TRPV4: variants seen among roughly 807,000 people sequenced by gnomAD.
TRPV4 encodes the protein transient receptor potential cation channel subfamily V member 4, also known as OSM9-like transient receptor potential channel 4.
TRPV4 carries 58 observed loss-of-function variants against 84.1 expected under a neutral mutation model. The observed-to-expected ratio is 0.69, with a 90% CI of 0.56 to 0.86. TRPV4 has a LOEUF of 0.86. Among genes scored for constraint, TRPV4 ranks in the 40% least tolerant of loss-of-function variants. TRPV4 has a pLI of 0.00. For missense variants in TRPV4, 879 were observed against 1,181.1 expected (o/e 0.74, Z 3.75); for synonymous variants, 489 against 500.9 (o/e 0.98, Z 0.32).
rs145701598 is a variant in TRPV4 at position 109,793,718 on chromosome 12, C to T, written c.1585-118G>A. 156 of 941,620 alleles carry T rather than the reference C, an allele frequency of 1.7e-4. No individual in the cohort carries two copies. In the East Asian group the frequency reaches 3.6e-3, roughly 22 times the overall value. The allele number at this position is 941,620 out of a possible 1,614,324, so 58.3% of individuals were successfully genotyped here. A position where few individuals can be genotyped will look rare whatever the true frequency, so the allele number is the denominator to read the frequency against. On this transcript the variant is annotated intron_variant, in intron 9 of 15. Transcript: ENST00000261740. The surrounding 1 kb of genome is among the most constrained non-coding windows in gnomAD (Gnocchi z 4.0). ...GGCAGAGGCTGGTACAGAGAAAAGACAAAGGACTCTTTCCTGTTAGAAAAG... is the reference window on the plus strand; with the variant it reads ...GGCAGAGGCTGGTACAGAGAAAAGATAAAGGACTCTTTCCTGTTAGAAAAG...
In TRPV4 at chr12:109,783,612, C is replaced by T. The variant is rs1889472575; in HGVS notation, c.*9G>A. 1.2e-6 allele frequency: 2 copies of T among 1,611,200 alleles called. No individual in the cohort carries two copies. The highest frequency in any genetic ancestry group is 1.3e-5 in the African/African-American group (1 of 74,906). The stretch of plus-strand genomic sequence containing the variant: ...AGTGGGCAGAGAAGCTGGGGCTGGG[C>T]TGCAGTCCCTAGAGCGGGGCGTCAT... On this transcript the variant is annotated 3_prime_UTR_variant, in exon 16 of 16. Transcript: ENST00000261740. This position sits in a 1 kb window ranked among gnomAD's most constrained non-coding sequence, Gnocchi z 4.6.
chr12:109,796,435 C>G lies in TRPV4; in HGVS notation c.1332+90G>C. On this transcript the variant is annotated intron_variant, in intron 7 of 15. Transcript: ENST00000261740. The surrounding 1 kb of genome is among the most constrained non-coding windows in gnomAD (Gnocchi z 4.2). ...CCACGTTGGGTCCTAGAGGCTGGGG[C>G]TGTCTCCCCCAGCCCAGCCCCAGGG... 1.3e-5 allele frequency: 20 copies of G among 1,484,116 alleles called. No homozygotes were observed. The highest frequency in any genetic ancestry group is 1.2e-5 in the South Asian group (1 of 85,624). The allele number at this position is 1,484,116 out of a possible 1,614,324, so 91.9% of individuals were successfully genotyped here. A position where few individuals can be genotyped will look rare whatever the true frequency, so the allele number is the denominator to read the frequency against.
chr12:109,793,456 A>G lies in TRPV4; in HGVS notation c.1658+71T>C. Reference sequence around the variant, plus strand: ...TCTAACAGAATCACCTCTCTCCTGAATCTGGACGACCTAGCAGCCCAAACC... The same window carrying G: ...TCTAACAGAATCACCTCTCTCCTGAGTCTGGACGACCTAGCAGCCCAAACC... On this transcript the variant is annotated intron_variant, in intron 10 of 15. Coordinates refer to ENST00000261740, the MANE Select transcript of TRPV4 (RefSeq NM_021625.5). This position sits in a 1 kb window ranked among gnomAD's most constrained non-coding sequence, Gnocchi z 4.0. 7.5e-7 allele frequency: 1 copy of G among 1,327,676 alleles called. No homozygotes were observed. Among genetic ancestry groups the G allele is most frequent in the Non-Finnish European group, 1.1e-6 (1 of 920,170 alleles). 82.2% of individuals were successfully genotyped at this position (1,327,676 alleles called of 1,614,324 possible).
intron 1 of TRPV4, among the ~76,000 whole-genome samples, chr12:109,827,572 C>G (rs113761764): frequency 1.3e-5 from 2 of 149,726 alleles, no homozygotes; most frequent in Admixed American, 6.7e-5. Context: ...CACACACACA[C>G]TACACACAAA....
In TRPV4 at chr12:109,814,231, C is replaced by T. The variant is rs146729167; in HGVS notation, c.386+180G>A. Among the ~76,000 whole-genome samples the T allele has an allele frequency of 3.6e-3, 536 of 147,008 alleles. 3 individuals are homozygous for T. Among genetic ancestry groups the T allele is most frequent in the African/African-American group, 0.012 (481 of 39,644 alleles). ...ATGGGTGGTTGGATGGATGGATGGA[C>T]GGATGATATATGGATAGGGAGATGA... On this transcript the variant is annotated intron_variant, in intron 2 of 15. Transcript: ENST00000261740. This position sits in a 1 kb window ranked among gnomAD's most constrained non-coding sequence, Gnocchi z 5.4.
intron 12 of TRPV4, among the ~76,000 whole-genome samples, chr12:109,789,459 G>C (rs1829837972): frequency 1.3e-5 from 2 of 152,184 alleles, no homozygotes; most frequent in Admixed American, 1.3e-4. Context: ...CCCCAACCCA[G>C]AGAGGAAAAG....
At position 109,783,369 on chromosome 12, in the gene TRPV4, G is replaced by A. The variant is rs576205557; in HGVS notation, c.*252C>T. ...AAATAATGGAGAGGCAGGGGCTGGG[G>A]CCTGAGGTGGAGGGGCTCTGGCGTT... On this transcript the variant is annotated 3_prime_UTR_variant, in exon 16 of 16. Coordinates refer to ENST00000261740, the MANE Select transcript of TRPV4 (RefSeq NM_021625.5). This position sits in a 1 kb window ranked among gnomAD's most constrained non-coding sequence, Gnocchi z 4.6. 2.3e-4 allele frequency: 118 copies of A among 504,850 alleles called. No homozygotes were observed. In the East Asian group the frequency reaches 3.1e-3, roughly 13 times the overall value. The allele number at this position is 504,850 out of a possible 1,614,324, so 31.3% of individuals were successfully genotyped here. A position where few individuals can be genotyped will look rare whatever the true frequency, so the allele number is the denominator to read the frequency against.
At chr12:109,809,318 C>T (rs1891364664) in intron 2 of TRPV4, among the ~76,000 whole-genome samples, 1 of 144,430 alleles carries the variant, frequency 6.9e-6, no homozygotes, top group Admixed American at 6.9e-5. Flanking sequence ...TCCATCCATC[C>T]CTCATCCATA....
chr12:109,824,576 T>C (rs1041747638), intron 1 of TRPV4, among the ~76,000 whole-genome samples: 1 of 151,822 alleles, frequency 6.6e-6, no homozygotes, highest in Non-Finnish European at 1.5e-5. Context: ...GCCAACATGG[T>C]GAAACCCCAT....
chr12:109,808,087 G>T (rs1421111489), intron 3 of TRPV4, among the ~76,000 whole-genome samples: 1 of 152,184 alleles, frequency 6.6e-6, no homozygotes, highest in Non-Finnish European at 1.5e-5. Flanking sequence ...ATGAATGAAA[G>T]AATGAATAAA....
Position 109,794,394 on chromosome 12 carries a change from C to A in TRPV4, c.1426G>T (p.Val476Phe), listed in dbSNP as rs1890253920. Residue 476 changes from valine (V) to phenylalanine (F), a missense_variant, in exon 8 of 16, where the codon GTC becomes TTC. Val to Phe is a conservative substitution (Grantham distance 50, BLOSUM62 -1). This residue lies in a region of TRPV4 where 521 missense variants were observed against 686.6 expected (regional missense o/e 0.76). Coordinates refer to ENST00000261740, the MANE Select transcript of TRPV4 (RefSeq NM_021625.5). ...FGAVSFYINVVSYLCAMVIFT... is the reference protein window; with the variant it reads ...FGAVSFYINVFSYLCAMVIFT... Reference sequence around the variant, plus strand: ...ATGACCATGGCACACAGGTAGGAGACCACGTTGATGTAGAAGGAGACGGCC... The same window carrying A: ...ATGACCATGGCACACAGGTAGGAGAACACGTTGATGTAGAAGGAGACGGCC... The A allele has an allele frequency of 6.2e-7, 1 of 1,613,844 alleles. No homozygotes were observed. Among genetic ancestry groups the A allele is most frequent in the African/African-American group, 1.3e-5 (1 of 74,928 alleles).
chr12:109,806,699 GAA>G (rs67356085), intron 3 of TRPV4, among the ~76,000 whole-genome samples: 87 of 147,538 alleles, frequency 5.9e-4, no homozygotes, highest in African/African-American at 1.9e-3. Flanking sequence ...TAAAAAAAAA[GAA>G]AAAAAAAAAT....
At chr12:109,794,570 C>T in intron 7 of TRPV4, 83 bp from the exon 8 acceptor site, 2 of 1,415,148 alleles carry the variant, frequency 1.4e-6, no homozygotes, top group Middle Eastern at 3.8e-4. Flanking sequence ...TGCCTTCCCC[C>T]ACCCTCCACC....
chr12:109,822,014 T>G (rs1293653575), intron 1 of TRPV4, among the ~76,000 whole-genome samples: 1 of 151,336 alleles, frequency 6.6e-6, no homozygotes, highest in Non-Finnish European at 1.5e-5. Flanking sequence ...CCAGGCAGGG[T>G]TGCAGAGCAA....
In TRPV4 at chr12:109,783,512, T is replaced by C. The variant is rs1237002572; in HGVS notation, c.*109A>G. ...CCTCCCTGGCACCTCCACTGGTCCC[T>C]CGCCTCTGGGGCCAAAGCAGGGTGT... On this transcript the variant is annotated 3_prime_UTR_variant, in exon 16 of 16. Transcript: ENST00000261740. This position sits in a 1 kb window ranked among gnomAD's most constrained non-coding sequence, Gnocchi z 4.6. The C allele has an allele frequency of 3.4e-6, 5 of 1,453,660 alleles. No individual in the cohort carries two copies. The highest frequency in any genetic ancestry group is 4.6e-6 in the Non-Finnish European group (5 of 1,082,380). The allele number at this position is 1,453,660 out of a possible 1,614,324, so 90.0% of individuals were successfully genotyped here.
At chr12:109,817,322 C>T (rs76067239) in intron 1 of TRPV4, among the ~76,000 whole-genome samples, 1 of 152,096 alleles carries the variant, frequency 6.6e-6, no homozygotes, top group Non-Finnish European at 1.5e-5. Flanking sequence ...TCAGGCGCAC[C>T]CTCTGTGTTT....
At position 109,783,785 on chromosome 12, in the gene TRPV4, CGA is replaced by C. The variant is rs1252629044; in HGVS notation, c.2459-9_2459-8del. 1 of 1,610,456 alleles carries C rather than the reference CGA, an allele frequency of 6.2e-7. No individual in the cohort carries two copies. The highest frequency in any genetic ancestry group is 8.5e-7 in the Non-Finnish European group (1 of 1,179,856). On this transcript the variant is annotated splice_region_variant and splice_polypyrimidine_tract_variant and intron_variant, in intron 15 of 15. Transcript: ENST00000261740. The surrounding 1 kb of genome is among the most constrained non-coding windows in gnomAD (Gnocchi z 4.6). Reference sequence around the variant, plus strand: ...ACCACCGAGGACCAGCGATCTGCACCGAGAGCACATCAGAGGGAGGGGTGGGG... The same window carrying C: ...ACCACCGAGGACCAGCGATCTGCACCGAGCACATCAGAGGGAGGGGTGGGG...
chr12:109,831,577 G>C (rs1191694242), intron 1 of TRPV4, among the ~76,000 whole-genome samples: 1 of 152,254 alleles, frequency 6.6e-6, no homozygotes. Flanking sequence ...TGAGCTTGCA[G>C]AGAGCATTTG....
chr12:109,827,863 T>C (rs571969112), intron 1 of TRPV4, among the ~76,000 whole-genome samples: 2 of 151,492 alleles, frequency 1.3e-5, no homozygotes, highest in Admixed American at 1.3e-4. Context: ...GACATACATA[T>C]ACACACATAC....
Sources: gnomAD v4.1 joint callset for allele counts (sites outside exome capture counted in the v4.1 genomes callset) on GRCh38, gnomAD v4.1.1 for gene constraint, gnomAD v4.1.1 regional missense constraint, Gnocchi (gnomAD v3.1) non-coding constraint, MANE v1.5 for transcripts, NCBI Gene and HGNC (gene_info 2026-07-23, HGNC 2026-07-21) for gene names.